ARL6IP5: variants seen among roughly 807,000 people sequenced by gnomAD.
ARL6IP5 encodes the protein ARF like GTPase 6 interacting protein 5.
Under a neutral mutation model 13.0 loss-of-function variants are expected in ARL6IP5, and 6 were observed. That is an observed-to-expected ratio of 0.46 (90% CI 0.25 to 0.91). ARL6IP5 has a LOEUF of 0.91. ARL6IP5 is among the 40% of genes least tolerant of loss of function. ARL6IP5 has a pLI of 0.17. For synonymous variants in ARL6IP5, 91 were observed against 91.9 expected (o/e 0.99, Z 0.06); for missense variants, 208 against 248.8 (o/e 0.84, Z 1.10).
chr3:69,093,772 A>AAC lies in ARL6IP5; in HGVS notation c.177-8066_177-8065insCA, dbSNP rs1553685748. ...GGAGATTCTGTCTCAAAAAAAAAAAAAAAAGAAAAGAAAAGAAAAAAATTA... is the reference window on the plus strand; with the variant it reads ...GGAGATTCTGTCTCAAAAAAAAAAAAACAAAAGAAAAGAAAAGAAAAAAATTA... On this transcript the variant is annotated intron_variant, in intron 1 of 2. Transcript: ENST00000273258. Among the ~76,000 whole-genome samples, 1,226 of 147,230 alleles carry AAC rather than the reference A, an allele frequency of 8.3e-3. 26 individuals carry two copies. Among genetic ancestry groups the AAC allele is most frequent in the East Asian group, 0.042 (208 of 4,974 alleles).
At chr3:69,104,105 A>G (rs1405325038) in intron 2 of ARL6IP5, among the ~76,000 whole-genome samples, 1 of 152,146 alleles carries the variant, frequency 6.6e-6, no homozygotes, top group East Asian at 1.9e-4. Context: ...AGCCTCGGGT[A>G]AGTTGATTTT....
At chr3:69,091,059 G>A (rs370921479) in intron 1 of ARL6IP5, among the ~76,000 whole-genome samples, 12 of 152,164 alleles carry the variant, frequency 7.9e-5, no homozygotes, top group Non-Finnish European at 1.5e-4. Context: ...TTAGCCTGGC[G>A]TGGTGGCATG....
At chr3:69,098,794 CT>C (rs887249035) in intron 1 of ARL6IP5, among the ~76,000 whole-genome samples, 17 of 152,156 alleles carry the variant, frequency 1.1e-4, no homozygotes, top group African/African-American at 4.1e-4. Flanking sequence ...TATATAATGT[CT>C]TCCCATATTA....
chr3:69,086,726 T>TG (rs1459378974), intron 1 of ARL6IP5, among the ~76,000 whole-genome samples: 1 of 150,048 alleles, frequency 6.7e-6, no homozygotes, highest in Non-Finnish European at 1.5e-5. Flanking sequence ...AAATTTCTTT[T>TG]TTTTTTTTTT....
Position 69,084,953 on chromosome 3 carries a change from C to T in ARL6IP5, c.-95C>T. ...CTGCCAACCGCAAAGCCGACCGAGA[C>T]GGAGCCGCTGTCAACTCTCCAACTC... On this transcript the variant is annotated 5_prime_UTR_variant, in exon 1 of 3. In the 5' UTR this introduces an upstream ATG that the reference lacks. Transcript: ENST00000273258. 2.0e-6 allele frequency: 3 copies of T among 1,486,996 alleles called. No homozygotes were observed. The highest frequency in any genetic ancestry group is 2.6e-5 in the South Asian group (2 of 78,396). 92.1% of individuals were successfully genotyped at this position (1,486,996 alleles called of 1,614,324 possible).
intron 2 of ARL6IP5, 64 bp downstream of exon 2, chr3:69,102,120 A>G: frequency 6.5e-7 from 1 of 1,536,936 alleles, no homozygotes; most frequent in African/African-American, 1.4e-5. Flanking sequence ...TCCAACGGGA[A>G]TTCCATAACC....
intron 1 of ARL6IP5, among the ~76,000 whole-genome samples, chr3:69,091,382 C>T (rs532717966): frequency 6.6e-5 from 10 of 152,146 alleles, no homozygotes; most frequent in African/African-American, 2.4e-4. Flanking sequence ...CAGCCTCTAC[C>T]TCCCTGGGCT....
intron 1 of ARL6IP5, among the ~76,000 whole-genome samples, chr3:69,087,260 C>T (rs1315732060): frequency 2.0e-5 from 3 of 152,140 alleles, no homozygotes; most frequent in Non-Finnish European, 4.4e-5. Flanking sequence ...CATCCTTCCA[C>T]CTTGGCTCCC....
chr3:69,096,284 G>A lies in ARL6IP5; in HGVS notation c.177-5555G>A, dbSNP rs571280177. Among the ~76,000 whole-genome samples the A allele has an allele frequency of 2.0e-5, 3 of 152,258 alleles. No homozygotes were observed. In the South Asian group the frequency reaches 6.2e-4, roughly 32 times the overall value. The stretch of plus-strand genomic sequence containing the variant: ...TTGGACATGAGCAACCAGAACAGGT[G>A]AAACAAATTTGGAATTGCTTGAGTT... On this transcript the variant is annotated intron_variant, in intron 1 of 2. Transcript: ENST00000273258.
At chr3:69,089,990 T>C in intron 1 of ARL6IP5, 2 of 393,152 alleles carry the variant, frequency 5.1e-6, no homozygotes, top group Admixed American at 3.2e-5. Flanking sequence ...CTGGTAATTA[T>C]AAGTTTGAAA....
chr3:69,098,354 C>T (rs923796459), intron 1 of ARL6IP5, among the ~76,000 whole-genome samples: 11 of 150,374 alleles, frequency 7.3e-5, no homozygotes, highest in Admixed American at 2.0e-4. Flanking sequence ...AAGCAATTCT[C>T]CTGCCTCAGC....
Position 69,104,821 on chromosome 3 carries a change from C to T in ARL6IP5, c.*185C>T, listed in dbSNP as rs556573912. On this transcript the variant is annotated 3_prime_UTR_variant, in exon 3 of 3. Transcript: ENST00000273258. ...GTTTCAGAGAGAAGACCTCAGAAAC[C>T]GAAAGAAAACCACCACCCTCCTATT... The T allele has an allele frequency of 5.9e-5, 44 of 742,344 alleles. No homozygotes were observed. The highest frequency in any genetic ancestry group is 2.8e-4 in the South Asian group (19 of 67,422). 46.0% of individuals were successfully genotyped at this position (742,344 alleles called of 1,614,324 possible).
In ARL6IP5 at chr3:69,098,656, T is replaced by A. The variant is rs540633799; in HGVS notation, c.177-3183T>A. Among the ~76,000 whole-genome samples, 6 of 152,284 alleles carry A rather than the reference T, an allele frequency of 3.9e-5. No homozygotes were observed. The East Asian group carries it at 1.2e-3, about 29-fold the overall frequency. On this transcript the variant is annotated intron_variant, in intron 1 of 2. Transcript: ENST00000273258. Reference sequence around the variant, plus strand: ...TCCACCCACCTTGGCCCCCACAAAGTGCTGGGATTACAGGCTTGAGCCACT... The same window carrying A: ...TCCACCCACCTTGGCCCCCACAAAGAGCTGGGATTACAGGCTTGAGCCACT...
At chr3:69,100,307 T>C (rs780557302) in intron 1 of ARL6IP5, among the ~76,000 whole-genome samples, 9 of 152,228 alleles carry the variant, frequency 5.9e-5, no homozygotes, top group Non-Finnish European at 1.2e-4. Context: ...TTGGCTTATA[T>C]AAGAATGAAT....
Position 69,097,749 on chromosome 3 carries a change from G to A in ARL6IP5, c.177-4090G>A, listed in dbSNP as rs2092291443. Reference sequence around the variant, plus strand: ...CAGGTAACACAGAACCAAGAGGGAGGGGAAGAGGGCAGAGAGAATAGCACA... The same window carrying A: ...CAGGTAACACAGAACCAAGAGGGAGAGGAAGAGGGCAGAGAGAATAGCACA... On this transcript the variant is annotated intron_variant, in intron 1 of 2. Transcript: ENST00000273258. 3.9e-5 allele frequency among the ~76,000 whole-genome samples: 6 copies of A among 152,204 alleles called. No homozygotes were observed. In the South Asian group the frequency reaches 1.2e-3, roughly 32 times the overall value.
Position 69,101,822 on chromosome 3 carries a change from T to C in ARL6IP5, c.177-17T>C, listed in dbSNP as rs1339562900. On this transcript the variant is annotated splice_polypyrimidine_tract_variant and intron_variant, in intron 1 of 2. Coordinates refer to ENST00000273258, the MANE Select transcript of ARL6IP5 (RefSeq NM_006407.4). ...GCTGAACTAGTCACCCCTCATTTTT[T>C]CTTCCTCATATTTCAGGTTTCTGAG... is the stretch of plus-strand genomic sequence containing the variant. 10 of 1,604,046 alleles carry C rather than the reference T, an allele frequency of 6.2e-6. No homozygotes were observed. The highest frequency in any genetic ancestry group is 3.3e-5 in the South Asian group (3 of 90,402).
chr3:69,102,226 T>C, intron 2 of ARL6IP5, 170 bp downstream of exon 2: 1 of 677,288 alleles, frequency 1.5e-6, no homozygotes, highest in Non-Finnish European at 2.5e-6. Context: ...AACACAGAAC[T>C]GAGGTCAAGA....
rs898592309 is a variant in ARL6IP5 at position 69,105,028 on chromosome 3, A to G, written c.*392A>G. The G allele has an allele frequency of 1.3e-5, 8 of 620,250 alleles. No homozygotes were observed. The Admixed American group carries it at 2.0e-4, about 15-fold the overall frequency. 38.4% of individuals were successfully genotyped at this position (620,250 alleles called of 1,614,324 possible). ...TACGAGTAAATGAAAAGGCTGTTAA[A>G]GTAGATGACATCATGTGTTAGCCTG... is the stretch of plus-strand genomic sequence containing the variant. On this transcript the variant is annotated 3_prime_UTR_variant, in exon 3 of 3. Transcript: ENST00000273258.
intron 1 of ARL6IP5, among the ~76,000 whole-genome samples, chr3:69,090,934 C>T (rs763253468): frequency 1.4e-4 from 22 of 152,228 alleles, no homozygotes; most frequent in Non-Finnish European, 2.9e-4. Flanking sequence ...TGATGGCTCA[C>T]GCCTGTGATC....
Sources: gnomAD v4.1 joint callset for allele counts (sites outside exome capture counted in the v4.1 genomes callset) on GRCh38, gnomAD v4.1.1 for gene constraint, MANE v1.5 for transcripts, NCBI Gene and HGNC (gene_info 2026-07-23, HGNC 2026-07-21) for gene names.